Variants in RNF220 observed in about 807,000 individuals in gnomAD.
The protein encoded by RNF220 is ring finger protein 220.
In RNF220, 7 loss-of-function variants were observed where a neutral mutation model predicts 67.1. The ratio of observed to expected loss-of-function variants is 0.10; its 90% confidence interval spans 0.06 to 0.20. The LOEUF (loss-of-function observed/expected upper bound fraction) is 0.20, where lower values mean the gene tolerates loss of function less well. Among genes scored for constraint, RNF220 ranks in the 10% least tolerant of loss-of-function variants. The pLI is 1.00. For synonymous variants in RNF220, 270 were observed against 283.2 expected (o/e 0.95, Z 0.47); for missense variants, 565 against 740.3 (o/e 0.76, Z 2.75).
At chr1:44,502,912 C>T (rs1658054578) in intron 2 of RNF220, among the ~76,000 whole-genome samples, 1 of 152,098 alleles carries the variant, frequency 6.6e-6, no homozygotes, top group Admixed American at 6.5e-5. Context: ...ACTATAGAAG[C>T]ACGTTGTCAT....
chr1:44,552,714 GCA>G (rs1014887755), intron 2 of RNF220, among the ~76,000 whole-genome samples: 3 of 151,702 alleles, frequency 2.0e-5, no homozygotes, highest in Non-Finnish European at 4.4e-5. Context: ...GGGACTACGG[GCA>G]CCCGCCACCA....
chr1:44,534,716 T>G (rs1296895119), intron 2 of RNF220, among the ~76,000 whole-genome samples: 2 of 152,148 alleles, frequency 1.3e-5, no homozygotes, highest in Non-Finnish European at 2.9e-5. Flanking sequence ...ATAGCCGAAT[T>G]ATGAAACCTA....
intron 2 of RNF220, among the ~76,000 whole-genome samples, chr1:44,539,512 C>T (rs560152291): frequency 1.3e-5 from 2 of 152,160 alleles, no homozygotes; most frequent in African/African-American, 2.4e-5. Context: ...TGGAGCCCAC[C>T]GTCAAGGAGC....
intron 2 of RNF220, among the ~76,000 whole-genome samples, chr1:44,536,134 G>T (rs751210268): frequency 2.6e-5 from 4 of 152,152 alleles, no homozygotes; most frequent in Non-Finnish European, 5.9e-5. Context: ...ACCTTAGGAG[G>T]TGTGACTTGG....
rs184066085 is a variant in RNF220 at position 44,600,590 on chromosome 1, G to A, written c.626-13575G>A. Among the ~76,000 whole-genome samples the A allele has an allele frequency of 6.6e-6, 1 of 152,264 alleles. No individual in the cohort carries two copies. The highest frequency in any genetic ancestry group is 1.9e-4 in the East Asian group (1 of 5,180). On this transcript the variant is annotated intron_variant, in intron 2 of 14. Coordinates refer to ENST00000361799, the MANE Select transcript of RNF220 (RefSeq NM_018150.4). This position sits in a 1 kb window ranked among gnomAD's most constrained non-coding sequence, Gnocchi z 4.0. ...AATCCCAGCACTTTGGGAGGCCGAG[G>A]TGGATGGATCACCTGAGGTCAGGAG...
At chr1:44,470,677 GT>G (rs1189118539) in intron 2 of RNF220, among the ~76,000 whole-genome samples, 1 of 152,056 alleles carries the variant, frequency 6.6e-6, no homozygotes, top group African/African-American at 2.4e-5. Context: ...TCACTGTCCA[GT>G]CCCATGTCCA....
At chr1:44,483,339 G>A (rs550624074) in intron 2 of RNF220, among the ~76,000 whole-genome samples, 5 of 152,288 alleles carry the variant, frequency 3.3e-5, no homozygotes, top group African/African-American at 7.2e-5. Flanking sequence ...TTTAAATACT[G>A]TTCTAGATCA....
At chr1:44,623,129 T>C (rs1011949599) in intron 4 of RNF220, among the ~76,000 whole-genome samples, 5 of 151,886 alleles carry the variant, frequency 3.3e-5, no homozygotes, top group Admixed American at 6.6e-5. Flanking sequence ...CTATAGCAGA[T>C]GAAGAAAAAT....
chr1:44,595,263 G>A (rs1361949168), intron 2 of RNF220, among the ~76,000 whole-genome samples: 7 of 152,210 alleles, frequency 4.6e-5, no homozygotes, highest in African/African-American at 1.2e-4. Context: ...CACCTCGGCC[G>A]GCTCCGGGGC....
intron 2 of RNF220, among the ~76,000 whole-genome samples, chr1:44,493,703 A>G (rs1163862709): frequency 6.6e-6 from 1 of 151,872 alleles, no homozygotes; most frequent in Non-Finnish European, 1.5e-5. Flanking sequence ...AGCTGGGCAC[A>G]GTGGCATGCA....
chr1:44,468,005 C>A (rs746901132), intron 2 of RNF220, among the ~76,000 whole-genome samples: 1 of 152,016 alleles, frequency 6.6e-6, no homozygotes, highest in South Asian at 2.1e-4. Context: ...AGTCAGAACA[C>A]ACACAACGTT....
chr1:44,519,022 T>C (rs1273903468), intron 2 of RNF220, among the ~76,000 whole-genome samples: 1 of 151,488 alleles, frequency 6.6e-6, no homozygotes, highest in Non-Finnish European at 1.5e-5. Context: ...AAATGAACCA[T>C]GAGAAACTCA....
At chr1:44,527,470 G>T (rs974565310) in intron 2 of RNF220, among the ~76,000 whole-genome samples, 1 of 152,058 alleles carries the variant, frequency 6.6e-6, no homozygotes, top group Non-Finnish European at 1.5e-5. Context: ...CAGAATTAAT[G>T]AATTAAGCCA....
intron 5 of RNF220, chr1:44,631,901 G>A (rs1345985269): frequency 1.0e-6 from 1 of 986,276 alleles, no homozygotes; most frequent in Non-Finnish European, 1.2e-6. Flanking sequence ...CCTGGTCTCT[G>A]TCCGGCCGCC....
At chr1:44,462,448 A>G (rs1653871652) in intron 2 of RNF220, among the ~76,000 whole-genome samples, 1 of 152,240 alleles carries the variant, frequency 6.6e-6, no homozygotes, top group South Asian at 2.1e-4. Context: ...GTATCAATAA[A>G]GTCTGAGAAT....
chr1:44,524,578 A>G (rs559750407), intron 2 of RNF220, among the ~76,000 whole-genome samples: 4 of 152,048 alleles, frequency 2.6e-5, no homozygotes, highest in South Asian at 4.2e-4. Context: ...AGGCTGGTCT[A>G]TCTCTCCCTG....
At chr1:44,512,702 C>T (rs749240765) in intron 2 of RNF220, among the ~76,000 whole-genome samples, 16 of 152,184 alleles carry the variant, frequency 1.1e-4, no homozygotes, top group Non-Finnish European at 2.4e-4. Flanking sequence ...GGCTAAGTGA[C>T]GACGGAGGCG....
chr1:44,510,221 A>G (rs1658870110), intron 2 of RNF220, among the ~76,000 whole-genome samples: 1 of 147,850 alleles, frequency 6.8e-6, no homozygotes, highest in Non-Finnish European at 1.5e-5. Flanking sequence ...CCTGGGTGAC[A>G]GAGTGAGACC....
rs1644728458 is a variant in RNF220, at chr1:44,649,297, A to G, written c.1446-364A>G. ...GGAGGCAGAAAGGCTGTCTGGAAAA[A>G]GTTAGTGGTGGAATTGGTGGAAGAC... On this transcript the variant is annotated intron_variant, in intron 12 of 14. Coordinates refer to ENST00000361799, the MANE Select transcript of RNF220 (RefSeq NM_018150.4). The surrounding 1 kb of genome is among the most constrained non-coding windows in gnomAD (Gnocchi z 5.9). The G allele has an allele frequency of 7.0e-6, 2 of 287,158 alleles. No homozygotes were observed. Among genetic ancestry groups the G allele is most frequent in the Non-Finnish European group, 1.3e-5 (2 of 150,088 alleles). The allele number at this position is 287,158 out of a possible 1,614,324, so 17.8% of individuals were successfully genotyped here. A position where few individuals can be genotyped will look rare whatever the true frequency, so the allele number is the denominator to read the frequency against.
Sources: gnomAD v4.1 joint callset for allele counts (sites outside exome capture counted in the v4.1 genomes callset) on GRCh38, gnomAD v4.1.1 for gene constraint, Gnocchi (gnomAD v3.1) non-coding constraint, MANE v1.5 for transcripts, NCBI Gene and HGNC (gene_info 2026-07-23, HGNC 2026-07-21) for gene names.